Variants in MTRF1 observed in about 807,000 individuals in gnomAD.
The protein encoded by MTRF1 is peptide chain release factor 1, mitochondrial.
MTRF1 carries 51 observed loss-of-function variants against 62.9 expected under a neutral mutation model. The observed-to-expected ratio is 0.81, with a 90% CI of 0.65 to 1.02. The LOEUF is 1.02. Ranked by LOEUF, MTRF1 falls within the 50% of genes least tolerant of loss-of-function variation. MTRF1 has a pLI of 0.00. For synonymous variants in MTRF1, 158 were observed against 181.9 expected (o/e 0.87, Z 1.06); for missense variants, 446 against 530.0 (o/e 0.84, Z 1.56).
upstream of MTRF1, among the ~76,000 whole-genome samples, chr13:41,268,425 C>T (rs1591127): frequency 0.91 from 137,903 of 152,210 alleles, 62,745 homozygotes; most frequent in Non-Finnish European, 0.94. Flanking sequence ...CACAGATCAT[C>T]GTAAGTCATT....
upstream of MTRF1, among the ~76,000 whole-genome samples, chr13:41,267,343 GCTGTGGTTATGCT>G (rs1190837734): frequency 2.0e-5 from 3 of 152,082 alleles, no homozygotes; most frequent in Non-Finnish European, 4.4e-5. Flanking sequence ...CTACTTCATA[GCTGTGGTTATGCT>G]CTGTGGTTAT....
upstream of MTRF1, among the ~76,000 whole-genome samples, chr13:41,266,827 C>T (rs756018886): frequency 1.1e-4 from 16 of 151,648 alleles, 1 homozygote; most frequent in Non-Finnish European, 1.9e-4. Flanking sequence ...CCCATCTCTT[C>T]TAAAAAAATA....
chr13:41,218,881 C>A (rs987964168), intron 9 of MTRF1, among the ~76,000 whole-genome samples: 1 of 152,018 alleles, frequency 6.6e-6, no homozygotes, highest in Non-Finnish European at 1.5e-5. Context: ...CCCCAAAGTA[C>A]CAGCATATAG....
rs774692125 is a variant in MTRF1 at position 41,260,556 on chromosome 13, C to G, written c.352G>C (p.Ala118Pro). ...RRHAELAPLAAIYQEIQETEQ... is the reference protein window; with the variant it reads ...RRHAELAPLAPIYQEIQETEQ... ...GTCTCCTGAATTTCTTGGTAAATGGCTGCAAGAGGTGCCAACTCAGCATGC... is the reference window on the plus strand; with the variant it reads ...GTCTCCTGAATTTCTTGGTAAATGGGTGCAAGAGGTGCCAACTCAGCATGC... The change falls in exon 2 of 10, where the codon GCC becomes CCC. Residue 118 changes from alanine (A) to proline (P), a missense_variant. Transcript: ENST00000379480. 3 of 1,613,998 alleles carry G rather than the reference C, an allele frequency of 1.9e-6. No homozygotes were observed. Among genetic ancestry groups the G allele is most frequent in the Non-Finnish European group, 8.5e-7 (1 of 1,180,034 alleles).
chr13:41,289,428 G>T, the MTRF1 span, among the ~76,000 whole-genome samples: 1 of 151,968 alleles, frequency 6.6e-6, no homozygotes, highest in African/African-American at 2.4e-5. Flanking sequence ...AGTAGAGATG[G>T]GGTTTTGCCA....
chr13:41,309,531 G>A, the MTRF1 span, among the ~76,000 whole-genome samples: 1 of 151,956 alleles, frequency 6.6e-6, no homozygotes, highest in Non-Finnish European at 1.5e-5. Flanking sequence ...ATTCTTTTGG[G>A]TATATACCCA....
At chr13:41,310,406 C>T in the MTRF1 span, among the ~76,000 whole-genome samples, 1 of 152,230 alleles carries the variant, frequency 6.6e-6, no homozygotes, top group Non-Finnish European at 1.5e-5. Flanking sequence ...TGTGGTGGCT[C>T]ACGCCTGTAA....
intron 7 of MTRF1, among the ~76,000 whole-genome samples, chr13:41,231,618 C>G (rs7326526): frequency 0.57 from 87,181 of 151,960 alleles, 25,260 homozygotes; most frequent in South Asian, 0.62. Context: ...AATAAAAAAG[C>G]TGATTAATCC....
the MTRF1 span, among the ~76,000 whole-genome samples, chr13:41,292,377 G>A: frequency 3.3e-5 from 5 of 152,218 alleles, no homozygotes; most frequent in South Asian, 6.2e-4. Context: ...GAGGTCAGGA[G>A]ATCGAGACCA....
chr13:41,281,994 C>T, the MTRF1 span, among the ~76,000 whole-genome samples: 2 of 151,952 alleles, frequency 1.3e-5, no homozygotes, highest in African/African-American at 2.4e-5. Flanking sequence ...AAAAATTAGC[C>T]AGGCGTGGTG....
At chr13:41,308,932 G>C in the MTRF1 span, among the ~76,000 whole-genome samples, 1 of 152,056 alleles carries the variant, frequency 6.6e-6, no homozygotes, top group African/African-American at 2.4e-5. Context: ...GTGTCCATGG[G>C]TACTCAGTGT....
chr13:41,302,772 T>C, the MTRF1 span, among the ~76,000 whole-genome samples: 1 of 152,108 alleles, frequency 6.6e-6, no homozygotes, highest in Non-Finnish European at 1.5e-5. Flanking sequence ...GTGTTCCTCC[T>C]GCTTTGGCCT....
At chr13:41,265,374 T>A (rs1214223676), upstream of MTRF1, among the ~76,000 whole-genome samples, 1 of 151,688 alleles carries the variant, frequency 6.6e-6, no homozygotes, top group East Asian at 1.9e-4. Context: ...TGAGCCAAGA[T>A]TGCACCATTG....
the MTRF1 span, among the ~76,000 whole-genome samples, chr13:41,304,488 A>G: frequency 6.6e-6 from 1 of 152,212 alleles, no homozygotes. Context: ...CATCGTAGGT[A>G]CTCAACAATA....
chr13:41,253,730 T>C (rs148879082), intron 3 of MTRF1, among the ~76,000 whole-genome samples: 173 of 152,312 alleles, frequency 1.1e-3, no homozygotes, highest in Non-Finnish European at 2.0e-3. Flanking sequence ...AATGATATAG[T>C]CTATGGGAGA....
the MTRF1 span, among the ~76,000 whole-genome samples, chr13:41,309,953 G>A: frequency 2.0e-5 from 3 of 152,146 alleles, no homozygotes; most frequent in Admixed American, 6.5e-5. Flanking sequence ...CTGAGATAGC[G>A]CCATTGCATT....
the MTRF1 span, among the ~76,000 whole-genome samples, chr13:41,272,206 C>G: frequency 1.3e-5 from 2 of 152,160 alleles, no homozygotes; most frequent in East Asian, 3.9e-4. Flanking sequence ...AAACAGAACA[C>G]CACAAAAAGT....
intron 5 of MTRF1, among the ~76,000 whole-genome samples, chr13:41,244,875 C>T (rs1364123535): frequency 6.6e-6 from 1 of 152,098 alleles, no homozygotes; most frequent in African/African-American, 2.4e-5. Flanking sequence ...TGATTCCTGA[C>T]CCTCATAAAT....
chr13:41,245,992 G>A (rs2038197357), intron 5 of MTRF1, among the ~76,000 whole-genome samples: 1 of 152,124 alleles, frequency 6.6e-6, no homozygotes, highest in Non-Finnish European at 1.5e-5. Flanking sequence ...GTTTTGAGAG[G>A]TCATGCAGGC....
Sources: allele counts gnomAD v4.1 joint callset (sites outside exome capture counted in the v4.1 genomes callset), GRCh38; gene constraint gnomAD v4.1.1; transcripts MANE v1.5; gene names NCBI Gene and HGNC (gene_info 2026-07-23, HGNC 2026-07-21).